Variants in TMA7 observed in about 807,000 individuals in gnomAD.
TMA7 encodes translation machinery-associated protein 7.
A neutral mutation model predicts 12.5 loss-of-function variants in TMA7; 5 were observed. The observed-to-expected ratio is 0.40, with a 90% CI of 0.21 to 0.84. The LOEUF (loss-of-function observed/expected upper bound fraction) is 0.84, where lower values mean the gene tolerates loss of function less well. TMA7 is among the 40% of genes least tolerant of loss of function. The pLI, the probability that TMA7 is intolerant of heterozygous loss-of-function variation, is 0.36. For missense variants in TMA7, 71 were observed against 75.4 expected (o/e 0.94, Z 0.22); for synonymous variants, 36 against 28.1 (o/e 1.28, Z -0.89).
rs779953483 is a variant in TMA7 at position 48,443,899 on chromosome 3, G to A, written c.*17G>A. ...AAAAAGTAAGCTGTTCCTTGTGCCTGAGGAGATGGTGACCCTTTATTTCAT... is the reference window on the plus strand; with the variant it reads ...AAAAAGTAAGCTGTTCCTTGTGCCTAAGGAGATGGTGACCCTTTATTTCAT... On this transcript the variant is annotated 3_prime_UTR_variant, in exon 4 of 4. Transcript: ENST00000438607. The A allele has an allele frequency of 6.5e-6, 10 of 1,526,934 alleles. No homozygotes were observed. Among genetic ancestry groups the A allele is most frequent in the Non-Finnish European group, 7.9e-6 (9 of 1,141,784 alleles). 94.6% of individuals were successfully genotyped at this position (1,526,934 alleles called of 1,614,324 possible).
intron 3 of TMA7, 41 bp downstream of exon 3, chr3:48,440,669 A>G (rs756580292): frequency 4.5e-6 from 7 of 1,572,538 alleles, no homozygotes; most frequent in South Asian, 2.3e-5. Flanking sequence ...GCCAAACGCT[A>G]TGAGCACCTA....
intron 3 of TMA7, among the ~76,000 whole-genome samples, chr3:48,442,294 T>A (rs1004826598): frequency 1.1e-4 from 17 of 150,904 alleles, no homozygotes; most frequent in African/African-American, 3.9e-4. Flanking sequence ...TCTTGCACCC[T>A]CTTTTAATCT....
Position 48,443,831 on chromosome 3 carries a change from C to T in TMA7, c.161-17C>T, listed in dbSNP as rs757520801. 1 of 1,557,888 alleles carries T rather than the reference C, an allele frequency of 6.4e-7. No individual in the cohort carries two copies. Among genetic ancestry groups the T allele is most frequent in the South Asian group, 1.2e-5 (1 of 82,056 alleles). Reference sequence around the variant, plus strand: ...GAACTATATTTTTCCCTAATTGTGACTATTTTTCTTTTGCAGCCACAGGTG... The same window carrying T: ...GAACTATATTTTTCCCTAATTGTGATTATTTTTCTTTTGCAGCCACAGGTG... On this transcript the variant is annotated splice_polypyrimidine_tract_variant and intron_variant, in intron 3 of 3. Coordinates refer to ENST00000438607, the MANE Select transcript of TMA7 (RefSeq NM_015933.6).
At chr3:48,442,666 G>A (rs1362324559) in intron 3 of TMA7, among the ~76,000 whole-genome samples, 2 of 151,704 alleles carry the variant, frequency 1.3e-5, no homozygotes, top group Non-Finnish European at 2.9e-5. Flanking sequence ...TGGCCAGGAT[G>A]GTCTCGATCT....
rs758362313 is a variant in TMA7 at position 48,440,332 on chromosome 3, G to A, written c.16+20G>A. Reference sequence around the variant, plus strand: ...GCGAAGGTAAGTGTTCCGGAACCGTGAGGACTGCGGGGACGGCGGGGTGGG... The same window carrying A: ...GCGAAGGTAAGTGTTCCGGAACCGTAAGGACTGCGGGGACGGCGGGGTGGG... On this transcript the variant is annotated intron_variant, in intron 1 of 3. Transcript: ENST00000438607. The A allele has an allele frequency of 3.7e-6, 6 of 1,611,740 alleles. 1 individual carries two copies. The South Asian group carries it at 4.4e-5, about 12-fold the overall frequency.
chr3:48,443,612 A>G (rs2039616521), intron 3 of TMA7, among the ~76,000 whole-genome samples: 1 of 152,090 alleles, frequency 6.6e-6, no homozygotes, highest in Non-Finnish European at 1.5e-5. Flanking sequence ...CAATCTGTGA[A>G]GTATACAGAA....
chr3:48,441,098 C>T (rs889610577), intron 3 of TMA7: 10 of 156,740 alleles, frequency 6.4e-5, no homozygotes, highest in African/African-American at 2.4e-4. Flanking sequence ...TCACTGCAAC[C>T]TCCACCTTCC....
Position 48,440,594 on chromosome 3 carries a change from G to A in TMA7, c.126G>A (p.Glu42=). 2 of 1,611,894 alleles carry A rather than the reference G, an allele frequency of 1.2e-6. No homozygotes were observed. Among genetic ancestry groups the A allele is most frequent in the Non-Finnish European group, 1.7e-6 (2 of 1,179,770 alleles). The change falls in exon 3 of 4, where the codon GAG becomes GAA. Residue 42 remains glutamate (E), a synonymous_variant. Coordinates refer to ENST00000438607, the MANE Select transcript of TMA7 (RefSeq NM_015933.6). ...KQKEEQKKLE[E]LKAKAAGKGP... ...AAGAGGAGCAGAAGAAACTCGAGGA[G>A]CTAAAAGCGAAGGCCGCGGGGAAGG...
intron 3 of TMA7, chr3:48,440,955 C>T: frequency 4.6e-6 from 2 of 433,952 alleles, no homozygotes; most frequent in Non-Finnish European, 8.3e-6. Flanking sequence ...ATCTTTTGCC[C>T]CAAATTCGTA....
Position 48,440,608 on chromosome 3 carries a change from C to T in TMA7, c.140C>T (p.Ala47Val), listed in dbSNP as rs1243335311. ...AAACTCGAGGAGCTAAAAGCGAAGG[C>T]CGCGGGGAAGGGGCCCTTGGGTAAG... ...QKKLEELKAK[A>V]AGKGPLATGG... is the part of the protein sequence containing the mutation. The change falls in exon 3 of 4, where the codon GCC becomes GTC. Residue 47 changes from alanine to valine, a missense_variant. Coordinates refer to ENST00000438607, the MANE Select transcript of TMA7 (RefSeq NM_015933.6). The T allele has an allele frequency of 1.2e-6, 2 of 1,611,590 alleles. No homozygotes were observed. Among genetic ancestry groups the T allele is most frequent in the Non-Finnish European group, 1.7e-6 (2 of 1,179,688 alleles).
At position 48,440,466 on chromosome 3, in the gene TMA7, CG is replaced by C; in HGVS notation, c.72+11del. ...GCCAAGGAGATGGACGAGGTGAGGG[CG>C]GGCGCGGAGGCACTGGCGGGTGCGG... On this transcript the variant is annotated intron_variant, in intron 2 of 3. Coordinates refer to ENST00000438607, the MANE Select transcript of TMA7 (RefSeq NM_015933.6). 2 of 1,611,660 alleles carry C rather than the reference CG, an allele frequency of 1.2e-6. No individual in the cohort carries two copies. Among genetic ancestry groups the C allele is most frequent in the Non-Finnish European group, 1.7e-6 (2 of 1,179,474 alleles).
At position 48,444,151 on chromosome 3, in the gene TMA7, T is replaced by G; in HGVS notation, c.*269T>G. On this transcript the variant is annotated 3_prime_UTR_variant, in exon 4 of 4. Transcript: ENST00000438607. ...AATCTTGCCAGAGTCTGTTCTTTGG[T>G]CCTTGTTCTACCCTAAACTTTGTAT... 1 of 328,398 alleles carries G rather than the reference T, an allele frequency of 3.0e-6. No individual in the cohort carries two copies. The highest frequency in any genetic ancestry group is 2.1e-5 in the African/African-American group (1 of 47,182). 20.3% of individuals were successfully genotyped at this position (328,398 alleles called of 1,614,324 possible). A position where few individuals can be genotyped will look rare whatever the true frequency, so the allele number is the denominator to read the frequency against.
intron 3 of TMA7, chr3:48,441,091 C>G (rs947110145): frequency 6.3e-6 from 1 of 159,690 alleles, no homozygotes; most frequent in Non-Finnish European, 1.4e-5. Context: ...TCCCGGCTCA[C>G]TGCAACCTCC....
In TMA7 at chr3:48,440,558, G is replaced by T. The variant is rs1042930666; in HGVS notation, c.90G>T (p.Lys30Asn). ...CTCCCCAGGAAGATAAGGCTTTCAA[G>T]CAGAAACAAAAAGAGGAGCAGAAGA... Reference protein sequence around the residue: ...KEMDEEDKAFKQKQKEEQKKL... With the variant: ...KEMDEEDKAFNQKQKEEQKKL... Residue 30 changes from lysine to asparagine, a missense_variant, in exon 3 of 4, where the codon AAG becomes AAT. Transcript: ENST00000438607. 6.2e-7 allele frequency: 1 copy of T among 1,611,802 alleles called. No individual in the cohort carries two copies. Among genetic ancestry groups the T allele is most frequent in the Non-Finnish European group, 8.5e-7 (1 of 1,179,752 alleles).
intron 3 of TMA7, 41 bp downstream of exon 3, chr3:48,440,669 A>T (rs756580292): frequency 1.3e-6 from 2 of 1,572,656 alleles, no homozygotes; most frequent in East Asian, 4.5e-5. Flanking sequence ...GCCAAACGCT[A>T]TGAGCACCTA....
chr3:48,443,451 T>G (rs1454712211), intron 3 of TMA7, among the ~76,000 whole-genome samples: 2 of 151,726 alleles, frequency 1.3e-5, no homozygotes, highest in Non-Finnish European at 2.9e-5. Context: ...GGAGAATTGC[T>G]TCAACCTGGG....
Position 48,440,611 on chromosome 3 carries a change from C to T in TMA7, c.143C>T (p.Ala48Val), listed in dbSNP as rs557810359. 4.3e-6 allele frequency: 7 copies of T among 1,611,466 alleles called. No homozygotes were observed. The highest frequency in any genetic ancestry group is 2.2e-4 in the Middle Eastern group (1 of 4,628). ...KKLEELKAKA[A>V]GKGPLATGGI... The stretch of plus-strand genomic sequence containing the variant: ...CTCGAGGAGCTAAAAGCGAAGGCCG[C>T]GGGGAAGGGGCCCTTGGGTAAGTGG... Residue 48 changes from alanine to valine, a missense_variant, in exon 3 of 4, where the codon GCG (alanine) becomes GTG (valine). Physicochemically the swap from Ala to Val is moderately conservative, Grantham distance 64. Coordinates refer to ENST00000438607, the MANE Select transcript of TMA7 (RefSeq NM_015933.6).
chr3:48,440,718 T>C (rs2039540644), intron 3 of TMA7, 90 bp downstream of exon 3: 4 of 1,187,072 alleles, frequency 3.4e-6, no homozygotes, highest in Admixed American at 4.4e-5. Context: ...TCCTGCCTCC[T>C]GAACTGCGAG....
chr3:48,442,319 G>A (rs185701129), intron 3 of TMA7, among the ~76,000 whole-genome samples: 49 of 151,804 alleles, frequency 3.2e-4, no homozygotes, highest in Admixed American at 9.2e-4. Flanking sequence ...TTGTGTATAG[G>A]GGAAAGAACA....
Sources: gnomAD v4.1 joint callset for allele counts (sites outside exome capture counted in the v4.1 genomes callset) on GRCh38, gnomAD v4.1.1 for gene constraint, MANE v1.5 for transcripts, NCBI Gene and HGNC (gene_info 2026-07-23, HGNC 2026-07-21) for gene names.